Variants in UGGT2 observed in about 807,000 individuals in gnomAD.
UGGT2 encodes UDP-glucose:glycoprotein glucosyltransferase 2.
Under a neutral mutation model 192.1 loss-of-function variants are expected in UGGT2, and 180 were observed. The observed-to-expected ratio is 0.94, with a 90% CI of 0.83 to 1.06. The LOEUF is 1.06. Ranked by LOEUF, UGGT2 falls within the 50% of genes least tolerant of loss-of-function variation. UGGT2 has a pLI of 0.00. For synonymous variants in UGGT2, 580 were observed against 591.0 expected, an observed-to-expected ratio of 0.98 and a Z score of 0.27; for missense variants, 1,849 against 1,795.7, an observed-to-expected ratio of 1.03 and a Z score of -0.54.
chr13:95,841,553 T>C (rs1887866139), intron 36 of UGGT2, among the ~76,000 whole-genome samples: 1 of 152,218 alleles, frequency 6.6e-6, no homozygotes, highest in African/African-American at 2.4e-5. Context: ...GCAGCCAGAT[T>C]GCCCTCACAT....
chr13:95,928,629 A>C (rs1188992163), intron 17 of UGGT2, among the ~76,000 whole-genome samples: 1 of 148,992 alleles, frequency 6.7e-6, no homozygotes, highest in Admixed American at 6.6e-5. Context: ...CCCACATCCC[A>C]GAAGGTGGGT....
At chr13:95,955,427 T>C (rs2050184831) in intron 12 of UGGT2, among the ~76,000 whole-genome samples, 2 of 152,118 alleles carry the variant, frequency 1.3e-5, no homozygotes, top group Admixed American at 6.5e-5. Flanking sequence ...AGAATCTAGA[T>C]AGGATATTTA....
intron 2 of UGGT2, among the ~76,000 whole-genome samples, chr13:96,026,228 G>T (rs547139913): frequency 6.6e-6 from 1 of 151,948 alleles, no homozygotes; most frequent in African/African-American, 2.4e-5. Context: ...CAGAAGTTTC[G>T]AATTCACACA....
At chr13:96,001,131 G>A (rs976517217) in intron 5 of UGGT2, among the ~76,000 whole-genome samples, 1 of 152,114 alleles carries the variant, frequency 6.6e-6, no homozygotes, top group Non-Finnish European at 1.5e-5. Flanking sequence ...CCAAGCCATC[G>A]CATCCCCTGT....
chr13:95,974,937 C>T (rs992316356), intron 10 of UGGT2, among the ~76,000 whole-genome samples: 10 of 151,858 alleles, frequency 6.6e-5, no homozygotes, highest in Non-Finnish European at 8.8e-5. Context: ...GAAAAATTAG[C>T]TGGGTGTGGT....
intron 36 of UGGT2, among the ~76,000 whole-genome samples, chr13:95,838,968 T>C (rs1653186462): frequency 6.6e-6 from 1 of 152,170 alleles, no homozygotes; most frequent in African/African-American, 2.4e-5. Context: ...TATTTCACTG[T>C]CCCTCATTCC....
chr13:95,916,284 A>C (rs980624222), intron 20 of UGGT2, among the ~76,000 whole-genome samples: 7 of 152,168 alleles, frequency 4.6e-5, no homozygotes, highest in African/African-American at 1.7e-4. Flanking sequence ...TCTGGAGTGA[A>C]CCCTCAGCAA....
chr13:95,843,288 GGTCA>G (rs1888055951), intron 36 of UGGT2, among the ~76,000 whole-genome samples: 1 of 152,056 alleles, frequency 6.6e-6, no homozygotes, highest in Admixed American at 6.6e-5. Context: ...CACTTGGTAT[GGTCA>G]GTCTTTTTAA....
At chr13:95,849,543 A>G (rs1594142001) in intron 36 of UGGT2, among the ~76,000 whole-genome samples, 1 of 53,416 alleles carries the variant, frequency 1.9e-5, no homozygotes, top group Non-Finnish European at 4.8e-5. Flanking sequence ...ACTCTGTCTC[A>G]AAAAAAAAAA....
intron 26 of UGGT2, among the ~76,000 whole-genome samples, chr13:95,885,389 G>T (rs1009165851): frequency 6.6e-6 from 1 of 152,180 alleles, no homozygotes; most frequent in Non-Finnish European, 1.5e-5. Context: ...TCTGAATGAG[G>T]ACCGCAGTTC....
At chr13:95,933,400 T>C (rs889886123) in intron 17 of UGGT2, among the ~76,000 whole-genome samples, 4 of 152,164 alleles carry the variant, frequency 2.6e-5, no homozygotes, top group Non-Finnish European at 5.9e-5. Flanking sequence ...ATGGGATCAG[T>C]TGTAATGTCA....
chr13:95,982,923 C>T (rs1015574886), intron 10 of UGGT2, among the ~76,000 whole-genome samples: 2 of 152,174 alleles, frequency 1.3e-5, no homozygotes, highest in Non-Finnish European at 1.5e-5. Flanking sequence ...TCTTTTTCTT[C>T]ATTACCATCA....
At chr13:95,949,864 A>G (rs2050001063) in intron 12 of UGGT2, among the ~76,000 whole-genome samples, 1 of 152,220 alleles carries the variant, frequency 6.6e-6, no homozygotes, top group Admixed American at 6.5e-5. Flanking sequence ...AAATTAAATT[A>G]TAAAATCAAC....
At chr13:95,856,072 A>G in intron 34 of UGGT2, 86 bp downstream of exon 34, 1 of 1,105,338 alleles carries the variant, frequency 9.0e-7, no homozygotes, top group Non-Finnish European at 1.3e-6. Context: ...GATAATAAAC[A>G]TGAGCAACAT....
chr13:95,934,764 C>T (rs781710154), intron 17 of UGGT2, among the ~76,000 whole-genome samples: 4 of 152,160 alleles, frequency 2.6e-5, no homozygotes, highest in Non-Finnish European at 4.4e-5. Flanking sequence ...TTGGATTGAC[C>T]TTCCAAAGTG....
chr13:96,001,803 A>T (rs2051814874), intron 5 of UGGT2, among the ~76,000 whole-genome samples: 1 of 152,218 alleles, frequency 6.6e-6, no homozygotes, highest in Non-Finnish European at 1.5e-5. Context: ...CAGCAAGTCC[A>T]GCCTCTCCTC....
intron 16 of UGGT2, among the ~76,000 whole-genome samples, chr13:95,938,739 G>A (rs563439497): frequency 3.7e-4 from 56 of 152,248 alleles, no homozygotes; most frequent in African/African-American, 1.3e-3. Context: ...TTGTTCAGCT[G>A]AACCCTGGGA....
intron 36 of UGGT2, among the ~76,000 whole-genome samples, chr13:95,846,270 T>C (rs577438854): frequency 1.3e-4 from 20 of 152,094 alleles, no homozygotes; most frequent in African/African-American, 4.1e-4. Context: ...CAAAAAAATA[T>C]GAAAACCAGT....
chr13:96,053,107 T>G lies in UGGT2; in HGVS notation c.158+48A>C, dbSNP rs1299699398. On this transcript the variant is annotated intron_variant, in intron 1 of 38. Coordinates refer to ENST00000376747, the MANE Select transcript of UGGT2 (RefSeq NM_020121.4). ...AGCACGAAGAAAGCGCGGCTGAGGG[T>G]GGCAGCGCGCCCACACCCGCCCGGA... 1.1e-5 allele frequency: 16 copies of G among 1,424,356 alleles called. No homozygotes were observed. The African/African-American group carries it at 1.7e-4, about 15-fold the overall frequency. 88.2% of individuals were successfully genotyped at this position (1,424,356 alleles called of 1,614,324 possible). A position where few individuals can be genotyped will look rare whatever the true frequency, so the allele number is the denominator to read the frequency against.
Sources: gnomAD v4.1 joint callset for allele counts (sites outside exome capture counted in the v4.1 genomes callset) on GRCh38, gnomAD v4.1.1 for gene constraint, MANE v1.5 for transcripts, NCBI Gene and HGNC (gene_info 2026-07-23, HGNC 2026-07-21) for gene names.